The following CYP19A1 variants were observed in gnomAD, a reference collection of about 807,000 sequenced individuals.
CYP19A1 encodes cytochrome P450 family 19 subfamily A member 1, also known as aromatase.
CYP19A1 carries 32 observed loss-of-function variants against 44.4 expected under a neutral mutation model. The ratio of observed to expected loss-of-function variants is 0.72; its 90% CI spans 0.54 to 0.97. The LOEUF (loss-of-function observed/expected upper bound fraction) is 0.97. Ranked by LOEUF, CYP19A1 falls within the 50% of genes least tolerant of loss-of-function variation. The probability of loss-of-function intolerance (pLI) is 0.00; values close to 1 mark genes in which losing one functional copy is unlikely to be tolerated. For missense variants in CYP19A1, 598 were observed against 637.8 expected, an observed-to-expected ratio of 0.94 and a Z score of 0.67; for synonymous variants, 212 against 215.6, an observed-to-expected ratio of 0.98 and a Z score of 0.14.
At chr15:51,331,712 C>T (rs998241655) in intron 1 of CYP19A1, among the ~76,000 whole-genome samples, 3 of 152,270 alleles carry the variant, frequency 2.0e-5, no homozygotes, top group Admixed American at 2.0e-4. Flanking sequence ...TGATTTTTAA[C>T]ACATACTGGT....
At chr15:51,267,747 A>G (rs1238812809) in intron 1 of CYP19A1, among the ~76,000 whole-genome samples, 1 of 152,256 alleles carries the variant, frequency 6.6e-6, no homozygotes, top group Non-Finnish European at 1.5e-5. Context: ...ACTGCAGAGC[A>G]TTCATTAGAT....
chr15:51,248,901 C>T lies in CYP19A1; in HGVS notation c.-38-5951G>A, dbSNP rs1302650171. ...ATCCTCTGCTAAAAACCTTTCTTTG[C>T]TTCCAGTTGTCTACAAGACTTTCAA... On this transcript the variant is annotated intron_variant, in intron 1 of 9. Coordinates refer to ENST00000396402, the MANE Select transcript of CYP19A1 (RefSeq NM_000103.4). 2.0e-5 allele frequency among the ~76,000 whole-genome samples: 3 copies of T among 151,652 alleles called. No individual in the cohort carries two copies. In the East Asian group the frequency reaches 5.8e-4, roughly 29 times the overall value.
chr15:51,254,532 A>G (rs2034444369), intron 1 of CYP19A1, among the ~76,000 whole-genome samples: 1 of 151,960 alleles, frequency 6.6e-6, no homozygotes, highest in Non-Finnish European at 1.5e-5. Context: ...TAGAATACCA[A>G]TTAGACAAAC....
intron 5 of CYP19A1, 105 bp from the exon 6 acceptor site, chr15:51,218,760 C>A: frequency 2.0e-6 from 3 of 1,528,212 alleles, no homozygotes; most frequent in Non-Finnish European, 2.6e-6. Context: ...ATTCTCCTAA[C>A]AGTCTGGGGG....
At chr15:51,298,161 C>T (rs898797007) in intron 1 of CYP19A1, among the ~76,000 whole-genome samples, 3 of 152,062 alleles carry the variant, frequency 2.0e-5, no homozygotes, top group South Asian at 2.1e-4. Flanking sequence ...GCTGGAATGC[C>T]GCCACTGTTC....
intron 1 of CYP19A1, among the ~76,000 whole-genome samples, chr15:51,297,850 A>ACACACACACACACACACACC (rs2036030413): frequency 6.6e-6 from 1 of 151,410 alleles, no homozygotes; most frequent in Non-Finnish European, 1.5e-5. Context: ...ACACACACAC[A>ACACACACACACACACACACC]CACACACACA....
At chr15:51,267,560 C>T (rs537948279) in intron 1 of CYP19A1, among the ~76,000 whole-genome samples, 3 of 152,314 alleles carry the variant, frequency 2.0e-5, no homozygotes, top group South Asian at 2.1e-4. Context: ...CGGCCACTGC[C>T]CAGGGCGGAG....
At chr15:51,220,996 G>C (rs1327888703) in intron 5 of CYP19A1, among the ~76,000 whole-genome samples, 1 of 150,396 alleles carries the variant, frequency 6.6e-6, no homozygotes, top group Non-Finnish European at 1.5e-5. Flanking sequence ...TTCATCAGTA[G>C]AGTGATTTGG....
At chr15:51,255,636 T>G (rs570231897) in intron 1 of CYP19A1, 1 of 152,296 alleles carries the variant, frequency 6.6e-6, no homozygotes, top group African/African-American at 2.4e-5. Context: ...GATGCCCAAG[T>G]TCAGTGGAGA....
chr15:51,235,594 A>G (rs1259299342), intron 3 of CYP19A1, among the ~76,000 whole-genome samples: 1 of 152,260 alleles, frequency 6.6e-6, no homozygotes, highest in East Asian at 1.9e-4. Context: ...GGTCAAAAAA[A>G]TTCTTTTTGG....
At chr15:51,318,795 G>GA (rs1346581894) in intron 1 of CYP19A1, 2 of 152,196 alleles carry the variant, frequency 1.3e-5, no homozygotes, top group Non-Finnish European at 1.5e-5. Flanking sequence ...ATTCTTTCAG[G>GA]AAACAACTGG....
At chr15:51,328,547 GGTGTGTGTGT>G (rs56202041) in intron 1 of CYP19A1, among the ~76,000 whole-genome samples, 6,416 of 147,382 alleles carry the variant, frequency 0.044, 450 homozygotes, top group African/African-American at 0.15. Context: ...ACAGGGCAGG[GGTGTGTGTGT>G]GTGTGTGTGT....
intron 1 of CYP19A1, among the ~76,000 whole-genome samples, chr15:51,255,981 G>A (rs2034498461): frequency 6.6e-6 from 1 of 152,202 alleles, no homozygotes; most frequent in Non-Finnish European, 1.5e-5. Context: ...TGAATTCAGA[G>A]TATCATTGCC....
At chr15:51,333,209 G>A (rs1372060219) in intron 1 of CYP19A1, among the ~76,000 whole-genome samples, 2 of 152,128 alleles carry the variant, frequency 1.3e-5, no homozygotes, top group African/African-American at 4.8e-5. Flanking sequence ...TAAGTATAAG[G>A]GTAATGTTTT....
chr15:51,288,117 C>T (rs915850321), intron 1 of CYP19A1, among the ~76,000 whole-genome samples: 1 of 152,160 alleles, frequency 6.6e-6, no homozygotes, highest in Non-Finnish European at 1.5e-5. Flanking sequence ...TCTTCCTATC[C>T]CTGGCCTGCT....
chr15:51,275,792 G>T (rs1416612483), intron 1 of CYP19A1, among the ~76,000 whole-genome samples: 1 of 152,184 alleles, frequency 6.6e-6, no homozygotes, highest in South Asian at 2.1e-4. Context: ...TGTAGTTATT[G>T]AACAAGTTCC....
intron 1 of CYP19A1, among the ~76,000 whole-genome samples, chr15:51,287,401 C>T (rs936306): frequency 0.29 from 44,412 of 152,054 alleles, 9,675 homozygotes; most frequent in African/African-American, 0.61. Flanking sequence ...GGCAGGTCTG[C>T]TTGGAATTGG....
chr15:51,237,652 G>T (rs1228949791), intron 2 of CYP19A1, among the ~76,000 whole-genome samples: 1 of 152,208 alleles, frequency 6.6e-6, no homozygotes, highest in East Asian at 1.9e-4. Context: ...GTCAGGCAAT[G>T]GGTCTTTGAA....
intron 2 of CYP19A1, among the ~76,000 whole-genome samples, chr15:51,239,312 T>G (rs2033601488): frequency 6.6e-6 from 1 of 152,184 alleles, no homozygotes; most frequent in East Asian, 1.9e-4. Flanking sequence ...GCCTTACAGA[T>G]GTACACCATA....
Sources: allele counts gnomAD v4.1 joint callset (sites outside exome capture counted in the v4.1 genomes callset), GRCh38; gene constraint gnomAD v4.1.1; transcripts MANE v1.5; gene names NCBI Gene and HGNC (gene_info 2026-07-23, HGNC 2026-07-21).